The following RP9 variants were observed in gnomAD, a reference collection of about 807,000 sequenced individuals.
RP9 encodes retinitis pigmentosa 9 protein.
Under a neutral mutation model 32.6 loss-of-function variants are expected in RP9, and 23 were observed. The observed-to-expected ratio is 0.71, with a 90% confidence interval of 0.51 to 1.00. The LOEUF (loss-of-function observed/expected upper bound fraction) is 1.00. Ranked by LOEUF, RP9 falls within the 50% of genes least tolerant of loss-of-function variation. The pLI, the probability that RP9 is intolerant of heterozygous loss-of-function variation, is 0.00. For missense variants in RP9, 245 were observed against 285.3 expected (o/e 0.86, Z 1.02); for synonymous variants, 94 against 103.6 (o/e 0.91, Z 0.56).
At position 33,109,170 on chromosome 7, in the gene RP9, G is replaced by A. The variant is rs1173733791; in HGVS notation, c.152+51C>T. On this transcript the variant is annotated intron_variant, in intron 1 of 5. Coordinates refer to ENST00000297157, the MANE Select transcript of RP9 (RefSeq NM_203288.2). This position sits in a 1 kb window ranked among gnomAD's most constrained non-coding sequence, Gnocchi z 4.9. ...CCCACCGCGGCGTCCCGCGCCCCGG[G>A]CCCCTGGCTTCAGAAGACTGGCCGC... The A allele has an allele frequency of 4.8e-6, 7 of 1,473,200 alleles. No individual in the cohort carries two copies. Among genetic ancestry groups the A allele is most frequent in the South Asian group, 2.5e-5 (2 of 79,338 alleles). 91.3% of individuals were successfully genotyped at this position (1,473,200 alleles called of 1,614,324 possible).
At chr7:33,101,865 G>A (rs980608595) in intron 1 of RP9, among the ~76,000 whole-genome samples, 7 of 152,188 alleles carry the variant, frequency 4.6e-5, no homozygotes, top group African/African-American at 1.7e-4. Context: ...AACTTGTGAA[G>A]ATGATAGTTT....
At chr7:33,106,614 A>T (rs1788501937) in intron 1 of RP9, among the ~76,000 whole-genome samples, 1 of 152,124 alleles carries the variant, frequency 6.6e-6, no homozygotes. Flanking sequence ...TATGTCTAAG[A>T]TGTTGAATTG....
chr7:33,105,324 G>C (rs944393723), intron 1 of RP9, among the ~76,000 whole-genome samples: 2 of 152,160 alleles, frequency 1.3e-5, no homozygotes, highest in African/African-American at 2.4e-5. Flanking sequence ...TCAGAAGACA[G>C]TTGCTCTCTG....
At chr7:33,103,736 C>G (rs555274443) in intron 1 of RP9, among the ~76,000 whole-genome samples, 14 of 152,272 alleles carry the variant, frequency 9.2e-5, no homozygotes, top group African/African-American at 3.1e-4. Flanking sequence ...GGGGGGATCA[C>G]TTGAGCCCAG....
intron 3 of RP9, among the ~76,000 whole-genome samples, chr7:33,098,451 C>T (rs1393707334): frequency 6.6e-6 from 1 of 152,080 alleles, no homozygotes; most frequent in Admixed American, 6.5e-5. Context: ...GCCAGGGAGA[C>T]CAGGGAGACA....
At chr7:33,102,206 T>C (rs1443871399) in intron 1 of RP9, among the ~76,000 whole-genome samples, 1 of 152,226 alleles carries the variant, frequency 6.6e-6, no homozygotes, top group Non-Finnish European at 1.5e-5. Context: ...GAACAATTCA[T>C]TAATGTAGTA....
rs75022883 is a variant in RP9, at chr7:33,108,820, T to C, written c.152+401A>G. The stretch of plus-strand genomic sequence containing the variant: ...GTTTTTCTCCTGTTAATCTGTCTTA[T>C]GACAATTTAATTTGTGGCCCAGCTT... On this transcript the variant is annotated intron_variant, in intron 1 of 5. Coordinates refer to ENST00000297157, the MANE Select transcript of RP9 (RefSeq NM_203288.2). 0.011 allele frequency among the ~76,000 whole-genome samples: 1,744 copies of C among 152,334 alleles called. 86 individuals carry two copies. In the East Asian group the frequency reaches 0.17, roughly 14 times the overall value.
At chr7:33,099,834 C>T (rs768864694) in intron 2 of RP9, among the ~76,000 whole-genome samples, 1 of 152,052 alleles carries the variant, frequency 6.6e-6, no homozygotes, top group Admixed American at 6.5e-5. Flanking sequence ...GTTTATTATA[C>T]CCTGAAGGCC....
At chr7:33,107,961 G>A (rs1394268025) in intron 1 of RP9, among the ~76,000 whole-genome samples, 1 of 152,198 alleles carries the variant, frequency 6.6e-6, no homozygotes, top group Non-Finnish European at 1.5e-5. Flanking sequence ...CCTGGCGTTT[G>A]CCTTCTTTGA....
At chr7:33,108,130 T>C (rs1490198096) in intron 1 of RP9, among the ~76,000 whole-genome samples, 1 of 152,252 alleles carries the variant, frequency 6.6e-6, no homozygotes, top group Non-Finnish European at 1.5e-5. Context: ...AAACTTAAAA[T>C]ATTCAAGGAG....
intron 1 of RP9, among the ~76,000 whole-genome samples, chr7:33,102,495 A>T (rs74807329): frequency 6.6e-6 from 1 of 152,044 alleles, no homozygotes; most frequent in Non-Finnish European, 1.5e-5. Flanking sequence ...TTCTCAAGAT[A>T]AAAAAAAGTT....
At chr7:33,099,155 G>T in intron 3 of RP9, 152 bp downstream of exon 3, 1 of 843,490 alleles carries the variant, frequency 1.2e-6, no homozygotes, top group Admixed American at 1.9e-5. Flanking sequence ...GGTGGTGGGG[G>T]GTGGGGTGGA....
chr7:33,097,767 G>A (rs567193353), intron 3 of RP9, among the ~76,000 whole-genome samples: 5 of 152,014 alleles, frequency 3.3e-5, no homozygotes, highest in African/African-American at 7.2e-5. Flanking sequence ...TTACAGGTGC[G>A]TACCACCACA....
Position 33,095,267 on chromosome 7 carries a change from A to G in RP9, c.633T>C (p.Ser211=), listed in dbSNP as rs1022052143. The stretch of plus-strand genomic sequence containing the variant: ...AGTCAGAACCCTCATTTGACTTGGA[A>G]GATTTGTGCTTCCGTTTTTTCTTCT... ...KKKKKKRKHK[S]SKSNEGSDSE is the part of the protein sequence containing the mutation. The change falls in exon 6 of 6, where the codon TCT becomes TCC. Residue 211 remains serine, a synonymous_variant. Transcript: ENST00000297157. 1.2e-6 allele frequency: 2 copies of G among 1,613,088 alleles called. No individual in the cohort carries two copies. The highest frequency in any genetic ancestry group is 8.5e-7 in the Non-Finnish European group (1 of 1,179,368).
At chr7:33,098,731 G>A (rs1224283661) in intron 3 of RP9, among the ~76,000 whole-genome samples, 2 of 152,154 alleles carry the variant, frequency 1.3e-5, no homozygotes, top group Non-Finnish European at 2.9e-5. Context: ...CAAGGAAACT[G>A]ATTTTTAAAT....
At chr7:33,100,701 A>C (rs1365913850) in intron 1 of RP9, 140 bp from the exon 2 acceptor site, 1 of 753,406 alleles carries the variant, frequency 1.3e-6, no homozygotes, top group Non-Finnish European at 2.4e-6. Context: ...GCAGACAAGC[A>C]ATCACCTGAG....
At chr7:33,101,724 A>T (rs977450279) in intron 1 of RP9, among the ~76,000 whole-genome samples, 2 of 152,122 alleles carry the variant, frequency 1.3e-5, no homozygotes, top group African/African-American at 4.8e-5. Flanking sequence ...ATAGTAAACA[A>T]CTGTGTATTA....
At chr7:33,099,478 G>A (rs1788395083) in intron 2 of RP9, 42 bp from the exon 3 acceptor site, 1 of 1,613,040 alleles carries the variant, frequency 6.2e-7, no homozygotes, top group African/African-American at 1.3e-5. Context: ...CAAGAGCGCT[G>A]GGATTCTCTC....
rs148957070 is a variant in RP9 at position 33,097,331 on chromosome 7, C to T, written c.345G>A (p.Thr115=). The T allele has an allele frequency of 3.5e-5, 57 of 1,613,824 alleles. No individual in the cohort carries two copies. Among genetic ancestry groups the T allele is most frequent in the Non-Finnish European group, 4.6e-5 (54 of 1,179,784 alleles). ...CWRCKRYGHR[T]GDKECPFFIK... is the part of the protein sequence containing the mutation. Reference sequence around the variant, plus strand: ...TAAAGAAAGGGCATTCTTTGTCACCCGTTCGGTGACCATAGCGTTTGCAAC... The same window carrying T: ...TAAAGAAAGGGCATTCTTTGTCACCTGTTCGGTGACCATAGCGTTTGCAAC... The change falls in exon 4 of 6, where the codon ACG becomes ACA. Residue 115 remains threonine, a synonymous_variant. Coordinates refer to ENST00000297157, the MANE Select transcript of RP9 (RefSeq NM_203288.2).
Sources: allele counts gnomAD v4.1 joint callset (sites outside exome capture counted in the v4.1 genomes callset), GRCh38; gene constraint gnomAD v4.1.1; non-coding constraint Gnocchi (gnomAD v3.1); transcripts MANE v1.5; gene names NCBI Gene and HGNC (gene_info 2026-07-23, HGNC 2026-07-21).